The following C10orf143 variants were observed in gnomAD, a reference collection of about 807,000 sequenced individuals.
C10orf143 encodes the protein chromosome 10 open reading frame 143.
intron 3 of C10orf143, among the ~76,000 whole-genome samples, chr10:130,069,421 CA>C (rs1324694161): frequency 6.6e-6 from 1 of 152,172 alleles, no homozygotes; most frequent in African/African-American, 2.4e-5. Context: ...ACTTGCCTTA[CA>C]AGAAATGCTG....
intron 3 of C10orf143, among the ~76,000 whole-genome samples, chr10:130,076,064 A>G (rs571406417): frequency 2.0e-5 from 3 of 150,944 alleles, no homozygotes; most frequent in African/African-American, 4.9e-5. Flanking sequence ...TCTTGGCTCA[A>G]TGCAACCTCC....
intron 3 of C10orf143, among the ~76,000 whole-genome samples, chr10:130,053,431 TG>T (rs1235750322): frequency 1.3e-5 from 2 of 152,222 alleles, no homozygotes; most frequent in Non-Finnish European, 2.9e-5. Context: ...TACTTCAGGA[TG>T]TTTTTTAAGC....
chr10:130,047,702 C>T (rs151265831), intron 3 of C10orf143, among the ~76,000 whole-genome samples: 9 of 152,316 alleles, frequency 5.9e-5, no homozygotes, highest in South Asian at 2.1e-4. Flanking sequence ...ACCCAGGCCA[C>T]GTGACCCTAG....
intron 3 of C10orf143, among the ~76,000 whole-genome samples, chr10:130,069,906 C>T (rs1028229700): frequency 2.6e-4 from 39 of 152,044 alleles, no homozygotes; most frequent in East Asian, 3.9e-4. Flanking sequence ...CCTAGCATAC[C>T]GAGCAGAAGT....
At chr10:130,058,467 G>A (rs1860819362) in intron 3 of C10orf143, among the ~76,000 whole-genome samples, 1 of 152,004 alleles carries the variant, frequency 6.6e-6, no homozygotes, top group Non-Finnish European at 1.5e-5. Context: ...GGCTTCCTGA[G>A]GACAGCCACA....
chr10:130,039,107 G>C (rs992009894), intron 3 of C10orf143, among the ~76,000 whole-genome samples: 11 of 151,614 alleles, frequency 7.3e-5, no homozygotes, highest in Non-Finnish European at 2.9e-5. Flanking sequence ...AGTCCAGCCA[G>C]TGCTGCTCTG....
At chr10:130,089,417 C>T (rs1861345419) in intron 1 of C10orf143, among the ~76,000 whole-genome samples, 1 of 152,108 alleles carries the variant, frequency 6.6e-6, no homozygotes, top group Non-Finnish European at 1.5e-5. Flanking sequence ...TCACAATAAT[C>T]CTGTGACAAT....
chr10:130,101,384 C>A (rs1310012326), intron 1 of C10orf143, among the ~76,000 whole-genome samples: 1 of 151,966 alleles, frequency 6.6e-6, no homozygotes, highest in Non-Finnish European at 1.5e-5. Flanking sequence ...TCAAGGGCAA[C>A]CTTAAAGGCA....
chr10:130,039,804 C>G (rs964531513), intron 3 of C10orf143, among the ~76,000 whole-genome samples: 1 of 152,086 alleles, frequency 6.6e-6, no homozygotes, highest in East Asian at 1.9e-4. Flanking sequence ...GGGGCAATGG[C>G]CTTCCCCAAG....
chr10:130,043,052 G>A (rs1860626029), intron 3 of C10orf143, among the ~76,000 whole-genome samples: 1 of 152,208 alleles, frequency 6.6e-6, no homozygotes, highest in South Asian at 2.1e-4. Flanking sequence ...AGCTGGGTGA[G>A]GGGCGTGGAG....
intron 3 of C10orf143, among the ~76,000 whole-genome samples, chr10:130,076,008 T>C (rs1276869264): frequency 1.4e-5 from 2 of 138,150 alleles, no homozygotes; most frequent in Non-Finnish European, 3.1e-5. Flanking sequence ...TTTTTGGAAA[T>C]GATGGAGTCT....
Position 130,106,571 on chromosome 10 carries a change from C to G in C10orf143, c.69+4133G>C, listed in dbSNP as rs1861652137. On this transcript the variant is annotated intron_variant, in intron 1 of 3. Transcript: ENST00000637128. ...GGATATTTCAAAAACGATACAGCCT[C>G]TAGCAGATGAGTCAGAATCCCTCAA... The G allele has an allele frequency of 1.9e-6, 3 of 1,564,096 alleles. No individual in the cohort carries two copies. In the East Asian group the frequency reaches 6.8e-5, roughly 35 times the overall value.
At chr10:130,073,301 T>C (rs1458257289) in intron 3 of C10orf143, among the ~76,000 whole-genome samples, 1 of 152,196 alleles carries the variant, frequency 6.6e-6, no homozygotes, top group Non-Finnish European at 1.5e-5. Flanking sequence ...TTTTGGTTCC[T>C]GTATGACTGA....
Position 130,056,741 on chromosome 10 carries a change from A to C in C10orf143, c.298-20771T>G, listed in dbSNP as rs192665265. Among the ~76,000 whole-genome samples, 725 of 151,690 alleles carry C rather than the reference A, an allele frequency of 4.8e-3. 6 individuals are homozygous for C. Among genetic ancestry groups the C allele is most frequent in the African/African-American group, 0.017 (686 of 41,352 alleles). On this transcript the variant is annotated intron_variant and NMD_transcript_variant, in intron 3 of 5. Transcript: ENST00000643056. The surrounding 1 kb of genome is among the most constrained non-coding windows in gnomAD (Gnocchi z 4.6). ...TGAGTAGCTGGGATTACAGGCACCC[A>C]CCACCGCACCTGGCTAATTTTTTGT...
intron 3 of C10orf143, among the ~76,000 whole-genome samples, chr10:130,071,848 T>C (rs1258188856): frequency 2.0e-5 from 3 of 152,166 alleles, no homozygotes; most frequent in African/African-American, 7.2e-5. Flanking sequence ...GGTCTTGAAC[T>C]CCCAACCTCA....
rs1386931872 is a variant in C10orf143 at position 130,107,880 on chromosome 10, ATCT to A, written c.69+2821_69+2823del. 5.5e-6 allele frequency: 7 copies of A among 1,278,506 alleles called. No homozygotes were observed. The Admixed American group carries it at 1.0e-4, about 19-fold the overall frequency. 79.2% of individuals were successfully genotyped at this position (1,278,506 alleles called of 1,614,324 possible). ...ATGTTTCCTCCACCAGCGCAATCAT[ATCT>A]TGATTCAGCTCTTCCTCCACAAAGG... On this transcript the variant is annotated intron_variant, in intron 1 of 3. Transcript: ENST00000637128.
At chr10:130,054,182 C>T (rs1167451959) in intron 3 of C10orf143, among the ~76,000 whole-genome samples, 2 of 152,158 alleles carry the variant, frequency 1.3e-5, no homozygotes, top group African/African-American at 4.8e-5. Context: ...TGCCCGTTTT[C>T]CCTCCCTCCA....
chr10:130,089,241 G>T (rs7071201), intron 1 of C10orf143, among the ~76,000 whole-genome samples: 3 of 152,170 alleles, frequency 2.0e-5, no homozygotes, highest in African/African-American at 7.2e-5. Context: ...GGCTTGCAAG[G>T]TTTACCAAGC....
Position 130,063,914 on chromosome 10 carries a change from G to A in C10orf143, c.*440C>T, listed in dbSNP as rs1332132963. ...TAGAACATTTTAAATATAAAAATAAGCCTTTTAATGAAAGAGTGTGTAAAT... is the reference window on the plus strand; with the variant it reads ...TAGAACATTTTAAATATAAAAATAAACCTTTTAATGAAAGAGTGTGTAAAT... On this transcript the variant is annotated 3_prime_UTR_variant, in exon 4 of 4. Coordinates refer to ENST00000637128, the MANE Select transcript of C10orf143 (RefSeq NM_001355042.2). The A allele has an allele frequency of 6.4e-6, 1 of 155,796 alleles. No individual in the cohort carries two copies. The highest frequency in any genetic ancestry group is 1.4e-5 in the Non-Finnish European group (1 of 70,584). 9.7% of individuals were successfully genotyped at this position (155,796 alleles called of 1,614,324 possible). A position where few individuals can be genotyped will look rare whatever the true frequency, so the allele number is the denominator to read the frequency against.
Sources: allele counts gnomAD v4.1 joint callset (sites outside exome capture counted in the v4.1 genomes callset), GRCh38; gene constraint gnomAD v4.1.1; non-coding constraint Gnocchi (gnomAD v3.1); transcripts MANE v1.5; gene names NCBI Gene and HGNC (gene_info 2026-07-23, HGNC 2026-07-21).